The following NLGN4Y variants were observed in gnomAD, a reference collection of about 807,000 sequenced individuals.
NLGN4Y encodes neuroligin-4, Y-linked.
Under a neutral mutation model 8.4 loss-of-function variants are expected in NLGN4Y, and 4 were observed. That is an observed-to-expected ratio of 0.48 (90% CI 0.23 to 1.09). NLGN4Y has a LOEUF of 1.09. NLGN4Y is among the 50% of genes least tolerant of loss of function. The pLI, the probability that NLGN4Y is intolerant of heterozygous loss-of-function variation, is 0.19. For synonymous variants in NLGN4Y, 35 were observed against 75.6 expected (o/e 0.46, Z 2.78); for missense variants, 90 against 192.3 (o/e 0.47, Z 3.15).
chrY:14,764,610 T>A, intron 4 of NLGN4Y, among the ~76,000 whole-genome samples: 1 of 33,841 alleles, frequency 3.0e-5, no homozygotes, highest in Non-Finnish European at 7.4e-5. Flanking sequence ...TTTCTCACAG[T>A]TCTGGAGGCT....
At chrY:14,622,742 G>A in intron 2 of NLGN4Y, 151 bp downstream of exon 2, 1 of 159,044 alleles carries the variant, frequency 6.3e-6, no homozygotes, top group Non-Finnish European at 1.1e-5. Flanking sequence ...TGCAATTCTT[G>A]CAGCAGCTTA....
At chrY:14,661,815 G>T in intron 2 of NLGN4Y, among the ~76,000 whole-genome samples, 3 of 33,382 alleles carry the variant, frequency 9.0e-5, no homozygotes, top group Admixed American at 8.2e-4. Flanking sequence ...GCTGGTTGAA[G>T]TCTGGACAGA....
upstream of NLGN4Y, chrY:14,523,876 C>G: frequency 1.4e-5 from 1 of 71,676 alleles, no homozygotes; most frequent in Non-Finnish European, 3.1e-5. Context: ...GCGCTGGAAA[C>G]CCCGCGTGAA....
intron 4 of NLGN4Y, among the ~76,000 whole-genome samples, chrY:14,814,801 T>C: frequency 3.0e-5 from 1 of 33,801 alleles, no homozygotes; most frequent in Admixed American, 2.7e-4. Flanking sequence ...ATTTTGTTAT[T>C]TCTTGAAAAC....
At chrY:14,654,044 C>T (rs1033382116) in intron 2 of NLGN4Y, among the ~76,000 whole-genome samples, 9 of 33,859 alleles carry the variant, frequency 2.7e-4, no homozygotes, top group African/African-American at 1.0e-3. Context: ...GTTTTATTCT[C>T]TTGTAACATT....
At chrY:14,781,205 G>A (rs2042943141) in intron 4 of NLGN4Y, among the ~76,000 whole-genome samples, 3 of 33,808 alleles carry the variant, frequency 8.9e-5, no homozygotes, top group Admixed American at 2.7e-4. Context: ...TAGTACTCCC[G>A]TGAAGTAAGA....
chrY:14,559,687 A>T, intron 1 of NLGN4Y, among the ~76,000 whole-genome samples: 2 of 32,775 alleles, frequency 6.1e-5, no homozygotes, highest in Non-Finnish European at 1.5e-4. Flanking sequence ...GTTTTTCAGG[A>T]TTAGTTTGGA....
intron 2 of NLGN4Y, among the ~76,000 whole-genome samples, chrY:14,630,846 TA>T (rs2080545828): frequency 3.1e-5 from 1 of 32,782 alleles, no homozygotes; most frequent in South Asian, 6.9e-4. Context: ...ATTTCTCTTC[TA>T]AACTTTGAGT....
intron 1 of NLGN4Y, among the ~76,000 whole-genome samples, chrY:14,578,826 A>G: frequency 2.9e-5 from 1 of 34,014 alleles, no homozygotes; most frequent in Admixed American, 2.7e-4. Context: ...TTGTAATTTC[A>G]TAGAATGCTT....
In NLGN4Y at chrY:14,549,674, G is replaced by T. The variant is rs754390893; in HGVS notation, c.-112+24966G>T. Among the ~76,000 whole-genome samples, 4 of 33,052 alleles carry T rather than the reference G, an allele frequency of 1.2e-4. No individual in the cohort carries two copies. In the East Asian group the frequency reaches 3.2e-3, roughly 26 times the overall value. The allele number at this position is 33,052 out of a possible 37,273, so 88.7% of individuals were successfully genotyped here. A position where few individuals can be genotyped will look rare whatever the true frequency, so the allele number is the denominator to read the frequency against. ...CTTGCACTTCTCTCCCAGTTTCCTC[G>T]TTCTGCAGAACTAATTTACTGATTC... is the stretch of plus-strand genomic sequence containing the variant. On this transcript the variant is annotated intron_variant, in intron 1 of 6. Transcript: ENST00000684976.
intron 1 of NLGN4Y, among the ~76,000 whole-genome samples, chrY:14,547,580 G>A (rs1003644999): frequency 5.9e-5 from 2 of 33,863 alleles, no homozygotes; most frequent in Admixed American, 2.7e-4. Context: ...AGCAAGTGTT[G>A]AGGATGGGCT....
At chrY:14,699,489 C>T in intron 2 of NLGN4Y, among the ~76,000 whole-genome samples, 2 of 33,212 alleles carry the variant, frequency 6.0e-5, no homozygotes, top group Non-Finnish European at 7.4e-5. Flanking sequence ...CAGCAGATGC[C>T]GCCATGGCAG....
intron 2 of NLGN4Y, among the ~76,000 whole-genome samples, chrY:14,709,712 TA>T (rs1184790869): frequency 7.3e-5 from 2 of 27,393 alleles, no homozygotes; most frequent in Admixed American, 3.3e-4. Context: ...GACTCCATCT[TA>T]AAAAAAAAAA....
At chrY:14,598,080 C>A (rs2080410503) in intron 1 of NLGN4Y, among the ~76,000 whole-genome samples, 1 of 34,931 alleles carries the variant, frequency 2.9e-5, no homozygotes, top group Non-Finnish European at 7.2e-5. Flanking sequence ...AATCCCTGAT[C>A]TAGATATACA....
chrY:14,735,717 A>C, intron 4 of NLGN4Y, among the ~76,000 whole-genome samples: 1 of 33,418 alleles, frequency 3.0e-5, no homozygotes, highest in South Asian at 6.8e-4. Context: ...GATATGGGAA[A>C]GTTTGGAACT....
At chrY:14,709,964 T>C (rs2080894777) in intron 2 of NLGN4Y, among the ~76,000 whole-genome samples, 1 of 34,014 alleles carries the variant, frequency 2.9e-5, no homozygotes, top group African/African-American at 1.1e-4. Context: ...AATGTCTTTA[T>C]GTTTTTGGAT....
At chrY:14,703,064 C>G (rs2080860402) in intron 2 of NLGN4Y, among the ~76,000 whole-genome samples, 2 of 33,187 alleles carry the variant, frequency 6.0e-5, no homozygotes, top group African/African-American at 2.4e-4. Context: ...GATATCAGCC[C>G]TTTGTCAGAT....
intron 2 of NLGN4Y, among the ~76,000 whole-genome samples, chrY:14,703,326 A>G (rs2080862448): frequency 3.0e-5 from 1 of 33,443 alleles, no homozygotes; most frequent in Non-Finnish European, 7.4e-5. Flanking sequence ...TCCATCTTGA[A>G]TTAATTTTTG....
intron 4 of NLGN4Y, among the ~76,000 whole-genome samples, chrY:14,724,638 T>C: frequency 3.2e-5 from 1 of 31,598 alleles, no homozygotes; most frequent in Non-Finnish European, 7.7e-5. Flanking sequence ...TCTTTTCTTT[T>C]CTCTTTTTTT....
Sources: allele counts gnomAD v4.1 joint callset (sites outside exome capture counted in the v4.1 genomes callset), GRCh38; gene constraint gnomAD v4.1.1; transcripts MANE v1.5; gene names NCBI Gene and HGNC (gene_info 2026-07-23, HGNC 2026-07-21).